The following PHC3 variants were observed in gnomAD, a reference collection of about 807,000 sequenced individuals.
PHC3 encodes polyhomeotic homolog 3.
In PHC3, 13 loss-of-function variants were observed where a neutral mutation model predicts 107.4. The observed-to-expected ratio is 0.12, with a 90% CI of 0.08 to 0.19. PHC3 has a LOEUF of 0.19. PHC3 is among the 10% of genes least tolerant of loss of function. The pLI, the probability that PHC3 is intolerant of heterozygous loss-of-function variation, is 1.00. For synonymous variants in PHC3, 456 were observed against 427.4 expected, an observed-to-expected ratio of 1.07 and a Z score of -0.83; for missense variants, 992 against 1,210.9, an observed-to-expected ratio of 0.82 and a Z score of 2.68.
At position 170,088,242 on chromosome 3, in the gene PHC3, A is replaced by C. The variant is rs937376112; in HGVS notation, c.*8988T>G. On this transcript the variant is annotated 3_prime_UTR_variant, in exon 15 of 15. Coordinates refer to ENST00000495893, the MANE Select transcript of PHC3 (RefSeq NM_024947.4). The stretch of plus-strand genomic sequence containing the variant: ...ATCTTTTGAGGTTTTAATAATATGA[A>C]AGTCCTATTTTAGAACAATGGGAGG... 6.6e-6 allele frequency: 1 copy of C among 152,232 alleles called. No homozygotes were observed. The highest frequency in any genetic ancestry group is 2.4e-5 in the African/African-American group (1 of 41,472). 9.4% of individuals were successfully genotyped at this position (152,232 alleles called of 1,614,324 possible). A position where few individuals can be genotyped will look rare whatever the true frequency, so the allele number is the denominator to read the frequency against.
chr3:170,116,498 C>T (rs902514472), intron 10 of PHC3, among the ~76,000 whole-genome samples: 1 of 152,082 alleles, frequency 6.6e-6, no homozygotes, highest in Non-Finnish European at 1.5e-5. Flanking sequence ...ACCTGGGAGG[C>T]AGAGGTTGCA....
rs942546584 is a variant in PHC3 at position 170,089,599 on chromosome 3, T to C, written c.*7631A>G. 1 of 152,166 alleles carries C rather than the reference T, an allele frequency of 6.6e-6. No individual in the cohort carries two copies. The highest frequency in any genetic ancestry group is 2.4e-5 in the African/African-American group (1 of 41,434). The allele number at this position is 152,166 out of a possible 1,614,324, so 9.4% of individuals were successfully genotyped here. On this transcript the variant is annotated 3_prime_UTR_variant, in exon 15 of 15. Coordinates refer to ENST00000495893, the MANE Select transcript of PHC3 (RefSeq NM_024947.4). ...ACAAGTCAGTTCCAATGATCTCCTT[T>C]GAGATTTTTCAGTTTTAGAAAGTTG...
chr3:170,144,169 A>G (rs568902288), intron 6 of PHC3, among the ~76,000 whole-genome samples: 37 of 151,304 alleles, frequency 2.4e-4, no homozygotes, highest in Non-Finnish European at 4.1e-4. Context: ...AAAAAAAAAA[A>G]AAAAAAGAAA....
intron 4 of PHC3, chr3:170,170,859 T>C (rs921707240): frequency 6.6e-6 from 1 of 152,616 alleles, no homozygotes; most frequent in African/African-American, 2.4e-5. Flanking sequence ...CCAATATATA[T>C]GTGCAATATA....
intron 4 of PHC3, among the ~76,000 whole-genome samples, chr3:170,159,649 C>T (rs1270743252): frequency 1.3e-5 from 2 of 152,122 alleles, no homozygotes; most frequent in Non-Finnish European, 2.9e-5. Context: ...CATACATGAT[C>T]ATTAAAAACC....
Position 170,145,443 on chromosome 3 carries a change from A to G in PHC3, c.652T>C (p.Cys218Arg), listed in dbSNP as rs1724784081. 1.9e-6 allele frequency: 3 copies of G among 1,613,460 alleles called. No individual in the cohort carries two copies. The highest frequency in any genetic ancestry group is 2.5e-6 in the Non-Finnish European group (3 of 1,179,596). ...CTCACCTGAGTAGCTGCAGACTGAC[A>G]GGAAGATGACGATGACGACGAGACA... ...PVVSSSSSSS[C>R]QSAATQVQNL... The change falls in exon 6 of 15, where the codon TGT becomes CGT. Residue 218 changes from cysteine (C) to arginine (R), a missense_variant. This residue lies in a region of PHC3 where 543 missense variants were observed against 590.8 expected (regional missense o/e 0.92). Coordinates refer to ENST00000495893, the MANE Select transcript of PHC3 (RefSeq NM_024947.4).
chr3:170,171,271 G>A, intron 4 of PHC3, 102 bp downstream of exon 4: 1 of 816,684 alleles, frequency 1.2e-6, no homozygotes, highest in Non-Finnish European at 1.9e-6. Flanking sequence ...TAAACAGCAT[G>A]CAACAAATTA....
intron 11 of PHC3, among the ~76,000 whole-genome samples, chr3:170,111,261 A>AGAAGGAAGGAAGGAAGGAAGGAAG (rs142477519): frequency 1.6e-5 from 2 of 121,272 alleles, no homozygotes; most frequent in East Asian, 2.4e-4. Flanking sequence ...TAAAACAAGA[A>AGAAGGAAGGAAGGAAGGAAGGAAG]GAAGGAAGGA....
intron 2 of PHC3, among the ~76,000 whole-genome samples, chr3:170,178,257 C>A (rs1370288282): frequency 6.6e-6 from 1 of 151,604 alleles, no homozygotes; most frequent in Admixed American, 6.6e-5. Flanking sequence ...CATTCTCCTG[C>A]CTCAGCCTCC....
At chr3:170,152,258 C>T (rs955397103) in intron 4 of PHC3, among the ~76,000 whole-genome samples, 3 of 151,718 alleles carry the variant, frequency 2.0e-5, no homozygotes, top group Non-Finnish European at 2.9e-5. Context: ...GCAACCTCCA[C>T]CTCCTGGGTT....
intron 7 of PHC3, among the ~76,000 whole-genome samples, chr3:170,135,933 C>T (rs1723000717): frequency 1.3e-5 from 2 of 152,040 alleles, no homozygotes; most frequent in Non-Finnish European, 2.9e-5. Flanking sequence ...CAGGTGATTG[C>T]CTGAGATGAT....
rs375137697 is a variant in PHC3 at position 170,136,713 on chromosome 3, T to C, written c.673-48A>G. 1.5e-5 allele frequency: 23 copies of C among 1,580,396 alleles called. No individual in the cohort carries two copies. In the African/African-American group the frequency reaches 2.3e-4, roughly 16 times the overall value. On this transcript the variant is annotated intron_variant, in intron 6 of 14. Transcript: ENST00000495893. ...TTAGGATGAAAACAGATGGTTTTAATTGATGTGGTCATCATTACCATTATG... is the reference window on the plus strand; with the variant it reads ...TTAGGATGAAAACAGATGGTTTTAACTGATGTGGTCATCATTACCATTATG...
Position 170,145,494 on chromosome 3 carries a change from C to G in PHC3, c.601G>C (p.Ala201Pro). The part of the protein sequence containing the change: ...MLIFTPATTV[A>P]AVQSDIPVVS... Reference sequence around the variant, plus strand: ...ACAGGAATGTCAGACTGTACAGCAGCCACAGTGGTAGCGGGTGTGAAAATC... The same window carrying G: ...ACAGGAATGTCAGACTGTACAGCAGGCACAGTGGTAGCGGGTGTGAAAATC... The change falls in exon 6 of 15, where the codon GCT (alanine) becomes CCT (proline). Residue 201 changes from alanine to proline, a missense_variant. Coordinates refer to ENST00000495893, the MANE Select transcript of PHC3 (RefSeq NM_024947.4). 1 of 1,612,680 alleles carries G rather than the reference C, an allele frequency of 6.2e-7. No individual in the cohort carries two copies. Among genetic ancestry groups the G allele is most frequent in the Non-Finnish European group, 8.5e-7 (1 of 1,179,090 alleles).
chr3:170,147,444 G>A (rs1254691837), intron 5 of PHC3: 1 of 151,992 alleles, frequency 6.6e-6, no homozygotes, highest in African/African-American at 2.4e-5. Context: ...ACAATGATGA[G>A]CCCTCCATAC....
chr3:170,149,762 T>G (rs1725598534), intron 4 of PHC3: 2 of 152,310 alleles, frequency 1.3e-5, no homozygotes, highest in South Asian at 4.1e-4. Context: ...GGCCACAGTT[T>G]TTAAGGATAG....
At position 170,122,588 on chromosome 3, in the gene PHC3, C is replaced by T. The variant is rs1291910115; in HGVS notation, c.1942+3G>A. ...ATTCCCACAAATTTTGGTATTTTCT[C>T]ACCTAACAAAGGATGTTCAGAAGTC... On this transcript the variant is annotated splice_donor_region_variant and intron_variant, in intron 9 of 14. Coordinates refer to ENST00000495893, the MANE Select transcript of PHC3 (RefSeq NM_024947.4). The T allele has an allele frequency of 6.2e-7, 1 of 1,613,758 alleles. No homozygotes were observed. The highest frequency in any genetic ancestry group is 2.2e-5 in the East Asian group (1 of 44,878).
chr3:170,150,249 C>T (rs963657854), intron 4 of PHC3, among the ~76,000 whole-genome samples: 3 of 152,058 alleles, frequency 2.0e-5, no homozygotes, highest in Non-Finnish European at 4.4e-5. Context: ...TATATAAAGA[C>T]ATACATGTAA....
intron 11 of PHC3, among the ~76,000 whole-genome samples, chr3:170,108,059 G>A (rs1020429083): frequency 3.3e-5 from 5 of 152,144 alleles, no homozygotes; most frequent in East Asian, 1.9e-4. Context: ...ATGTAATAGC[G>A]CTCAAGAAAT....
intron 4 of PHC3, 37 bp from the exon 5 acceptor site, chr3:170,149,281 T>G: frequency 6.4e-7 from 1 of 1,560,756 alleles, no homozygotes; most frequent in Non-Finnish European, 8.7e-7. Context: ...AGGCTTCCAT[T>G]TCTTGCTTCC....
Sources: gnomAD v4.1 joint callset for allele counts (sites outside exome capture counted in the v4.1 genomes callset) on GRCh38, gnomAD v4.1.1 for gene constraint, gnomAD v4.1.1 regional missense constraint, MANE v1.5 for transcripts, NCBI Gene and HGNC (gene_info 2026-07-23, HGNC 2026-07-21) for gene names.